Variants in RPS6KC1 observed in about 807,000 individuals in gnomAD.
RPS6KC1 encodes inactive ribosomal protein S6 kinase delta-1.
A neutral mutation model predicts 103.8 loss-of-function variants in RPS6KC1; 54 were observed. The observed-to-expected ratio is 0.52, with a 90% confidence interval of 0.42 to 0.65. The LOEUF (loss-of-function observed/expected upper bound fraction) is 0.65. RPS6KC1 is among the 30% of genes least tolerant of loss of function. The probability of loss-of-function intolerance (pLI) is 0.00; values close to 1 mark genes in which losing one functional copy is unlikely to be tolerated. For synonymous variants in RPS6KC1, 439 were observed against 438.7 expected (o/e 1.00, Z -0.01); for missense variants, 1,151 against 1,253.8 (o/e 0.92, Z 1.24).
the RPS6KC1 span, among the ~76,000 whole-genome samples, chr1:213,612,950 G>A: frequency 6.6e-6 from 1 of 152,150 alleles, no homozygotes; most frequent in Non-Finnish European, 1.5e-5. Flanking sequence ...AGCCCAGTGT[G>A]ATGAGAATTG....
At chr1:213,465,180 G>A in the RPS6KC1 span, among the ~76,000 whole-genome samples, 6 of 152,138 alleles carry the variant, frequency 3.9e-5, no homozygotes, top group East Asian at 1.9e-4. Context: ...GTTCTGCTTC[G>A]CCTTCTTCCC....
the RPS6KC1 span, among the ~76,000 whole-genome samples, chr1:213,803,096 TA>T: frequency 2.0e-5 from 3 of 152,252 alleles, no homozygotes; most frequent in East Asian, 5.8e-4. Context: ...AGAGTCTTAG[TA>T]ATTGCCCAGC....
At chr1:213,348,726 C>CTATA in the RPS6KC1 span, among the ~76,000 whole-genome samples, 1 of 152,154 alleles carries the variant, frequency 6.6e-6, no homozygotes, top group African/African-American at 2.4e-5. Flanking sequence ...CAAGAATGGG[C>CTATA]TATAGGTTTT....
At chr1:213,658,618 A>G in the RPS6KC1 span, among the ~76,000 whole-genome samples, 1 of 152,260 alleles carries the variant, frequency 6.6e-6, no homozygotes, top group Non-Finnish European at 1.5e-5. Context: ...ATCCAAGTGC[A>G]CAGGCGGATA....
the RPS6KC1 span, among the ~76,000 whole-genome samples, chr1:213,721,100 C>G: frequency 6.6e-6 from 1 of 152,002 alleles, no homozygotes; most frequent in African/African-American, 2.4e-5. Context: ...ATTAAAAAGT[C>G]AATCCCTATC....
chr1:213,301,920 G>C, the RPS6KC1 span, among the ~76,000 whole-genome samples: 1 of 151,968 alleles, frequency 6.6e-6, no homozygotes, highest in Admixed American at 6.6e-5. Flanking sequence ...ATTTTTAGTA[G>C]AGAAGGGGTT....
chr1:213,389,604 C>T, the RPS6KC1 span, among the ~76,000 whole-genome samples: 2 of 152,214 alleles, frequency 1.3e-5, no homozygotes, highest in African/African-American at 2.4e-5. Context: ...CCAGTGTCAC[C>T]CCCGAGGCCC....
the RPS6KC1 span, among the ~76,000 whole-genome samples, chr1:213,772,607 T>G: frequency 1.2e-5 from 1 of 84,574 alleles, no homozygotes; most frequent in Admixed American, 1.4e-4. Context: ...CCCACCAGTG[T>G]CCCCTCCCGG....
the RPS6KC1 span, among the ~76,000 whole-genome samples, chr1:213,849,150 C>T: frequency 6.6e-6 from 1 of 152,234 alleles, no homozygotes; most frequent in Middle Eastern, 3.4e-3. Flanking sequence ...GCTGTGTTTC[C>T]CAAACACTCC....
the RPS6KC1 span, among the ~76,000 whole-genome samples, chr1:213,716,672 A>C: frequency 5.3e-5 from 8 of 152,160 alleles, no homozygotes; most frequent in Non-Finnish European, 1.0e-4. Context: ...TTCTTAGTAC[A>C]TTCTATATTT....
At chr1:213,121,078 C>T (rs2084327165) in intron 5 of RPS6KC1, among the ~76,000 whole-genome samples, 1 of 152,134 alleles carries the variant, frequency 6.6e-6, no homozygotes, top group Non-Finnish European at 1.5e-5. Flanking sequence ...CAGGCAGGCA[C>T]AACCATGCCT....
intron 8 of RPS6KC1, among the ~76,000 whole-genome samples, chr1:213,198,498 C>T (rs949758128): frequency 3.3e-5 from 5 of 152,160 alleles, no homozygotes; most frequent in African/African-American, 1.2e-4. Flanking sequence ...ATGTCTAGAT[C>T]TCTGGCAAGC....
At chr1:213,120,580 G>A (rs964626408) in intron 5 of RPS6KC1, among the ~76,000 whole-genome samples, 3 of 152,098 alleles carry the variant, frequency 2.0e-5, no homozygotes, top group African/African-American at 7.2e-5. Flanking sequence ...TGAAATGGAG[G>A]GTTGTTAGAG....
chr1:213,358,926 T>C, the RPS6KC1 span, among the ~76,000 whole-genome samples: 4,456 of 152,302 alleles, frequency 0.029, 230 homozygotes, highest in African/African-American at 0.1. Context: ...AGAGACAGTT[T>C]GTTATAATTT....
chr1:213,678,729 C>T, the RPS6KC1 span, among the ~76,000 whole-genome samples: 1 of 152,172 alleles, frequency 6.6e-6, no homozygotes, highest in Non-Finnish European at 1.5e-5. Context: ...TTGATAATTT[C>T]TGCTTGAGGA....
At chr1:213,727,056 T>C in the RPS6KC1 span, among the ~76,000 whole-genome samples, 1 of 152,208 alleles carries the variant, frequency 6.6e-6, no homozygotes, top group Non-Finnish European at 1.5e-5. Flanking sequence ...CTTGTATGCT[T>C]TGGTCTGGAA....
the RPS6KC1 span, among the ~76,000 whole-genome samples, chr1:213,485,697 G>C: frequency 6.6e-6 from 1 of 152,192 alleles, no homozygotes; most frequent in African/African-American, 2.4e-5. Flanking sequence ...AGCAGGATAA[G>C]TGCTATCCTG....
At chr1:213,412,865 T>C in the RPS6KC1 span, among the ~76,000 whole-genome samples, 2 of 152,238 alleles carry the variant, frequency 1.3e-5, no homozygotes, top group African/African-American at 4.8e-5. Context: ...GTCACTGTGT[T>C]CTGTTGACAG....
chr1:213,644,306 C>T, the RPS6KC1 span, among the ~76,000 whole-genome samples: 1 of 152,066 alleles, frequency 6.6e-6, no homozygotes, highest in African/African-American at 2.4e-5. Context: ...ATGGTCTTCT[C>T]CATTATCAAC....
Sources: allele counts gnomAD v4.1 joint callset (sites outside exome capture counted in the v4.1 genomes callset), GRCh38; gene constraint gnomAD v4.1.1; transcripts MANE v1.5; gene names NCBI Gene and HGNC (gene_info 2026-07-23, HGNC 2026-07-21).